The following ALDH1L1 variants were observed in gnomAD, a reference collection of about 807,000 sequenced individuals.
ALDH1L1 encodes the protein aldehyde dehydrogenase 1 family member L1, also known as cytosolic 10-formyltetrahydrofolate dehydrogenase.
A neutral mutation model predicts 101.1 loss-of-function variants in ALDH1L1; 68 were observed. That is an observed-to-expected ratio of 0.67 (90% CI 0.55 to 0.82). ALDH1L1 has a LOEUF of 0.82. Among genes scored for constraint, ALDH1L1 ranks in the 40% least tolerant of loss-of-function variants. ALDH1L1 has a pLI of 0.00. For missense variants in ALDH1L1, 1,087 were observed against 1,172.7 expected (o/e 0.93, Z 1.07); for synonymous variants, 486 against 470.8 (o/e 1.03, Z -0.42).
chr3:126,121,583 A>T (rs566324684), intron 16 of ALDH1L1, among the ~76,000 whole-genome samples: 15 of 152,324 alleles, frequency 9.8e-5, no homozygotes, highest in African/African-American at 2.9e-4. Flanking sequence ...CCCTGCGGAC[A>T]ATTCCCCAGG....
At position 126,125,724 on chromosome 3, in the gene ALDH1L1, G is replaced by A; in HGVS notation, c.1695-3C>T. 1 of 1,544,946 alleles carries A rather than the reference G, an allele frequency of 6.5e-7. No homozygotes were observed. The highest frequency in any genetic ancestry group is 1.2e-5 in the South Asian group (1 of 81,216). ...AGGGGATGATGATGCCACAAACCCT[G>A]CCACACAAAAGAGGTTGGCCTTTGT... On this transcript the variant is annotated splice_region_variant and splice_polypyrimidine_tract_variant and intron_variant, in intron 14 of 22. Coordinates refer to ENST00000393434, the MANE Select transcript of ALDH1L1 (RefSeq NM_012190.4).
At chr3:126,175,657 T>A (rs533126197) in intron 1 of ALDH1L1, among the ~76,000 whole-genome samples, 1 of 152,134 alleles carries the variant, frequency 6.6e-6, no homozygotes, top group African/African-American at 2.4e-5. Context: ...TCATTTATGA[T>A]AAGAGCTTTC....
chr3:126,129,667 C>T (rs1369941308), intron 14 of ALDH1L1: 1 of 152,352 alleles, frequency 6.6e-6, no homozygotes, highest in South Asian at 2.1e-4. Context: ...GGGGCCAAAT[C>T]AGGATGTATG....
intron 9 of ALDH1L1, among the ~76,000 whole-genome samples, chr3:126,139,473 C>T (rs977883157): frequency 6.6e-6 from 1 of 150,986 alleles, no homozygotes; most frequent in African/African-American, 2.5e-5. Flanking sequence ...CCCAAAATGT[C>T]CAGTTATGAC....
At chr3:126,140,362 G>A (rs1017737277) in intron 9 of ALDH1L1, among the ~76,000 whole-genome samples, 1 of 152,096 alleles carries the variant, frequency 6.6e-6, no homozygotes, top group Non-Finnish European at 1.5e-5. Flanking sequence ...AACAAAAGCT[G>A]AAGAAATTGG....
At chr3:126,151,092 C>T (rs971511104) in intron 7 of ALDH1L1, 1 of 152,314 alleles carries the variant, frequency 6.6e-6, no homozygotes, top group African/African-American at 2.4e-5. Flanking sequence ...CACCCACTCC[C>T]ACCACACTTT....
Position 126,110,489 on chromosome 3 carries a change from G to A in ALDH1L1, c.2182-380C>T, listed in dbSNP as rs371068636. Among the ~76,000 whole-genome samples, 23 of 152,242 alleles carry A rather than the reference G, an allele frequency of 1.5e-4. No homozygotes were observed. In the East Asian group the frequency reaches 1.5e-3, roughly 10 times the overall value. On this transcript the variant is annotated intron_variant, in intron 19 of 22. Coordinates refer to ENST00000393434, the MANE Select transcript of ALDH1L1 (RefSeq NM_012190.4). ...AAGAAGCTGAAGGAACTGTTTGTCC[G>A]GGGGACTCCAGGATGTGCGGTAGGT...
chr3:126,142,676 T>C (rs932936682), intron 9 of ALDH1L1, among the ~76,000 whole-genome samples: 1 of 152,138 alleles, frequency 6.6e-6, no homozygotes. Context: ...AAACTAAGAA[T>C]AGAAGGGAAC....
Position 126,103,700 on chromosome 3 carries a change from A to G in ALDH1L1, c.*91T>C, listed in dbSNP as rs1419754715. ...GCAGGAGGGCTTCCACTAGCCCCCC[A>G]GGTGGGAGGTGCTGTGCACCCAGGC... is the stretch of plus-strand genomic sequence containing the variant. On this transcript the variant is annotated 3_prime_UTR_variant, in exon 23 of 23. Transcript: ENST00000393434. The G allele has an allele frequency of 7.2e-7, 1 of 1,384,536 alleles. No homozygotes were observed. Among genetic ancestry groups the G allele is most frequent in the African/African-American group, 1.4e-5 (1 of 70,058 alleles). The allele number at this position is 1,384,536 out of a possible 1,614,324, so 85.8% of individuals were successfully genotyped here.
At chr3:126,168,777 A>T (rs1363416935) in intron 1 of ALDH1L1, among the ~76,000 whole-genome samples, 1 of 152,138 alleles carries the variant, frequency 6.6e-6, no homozygotes, top group African/African-American at 2.4e-5. Flanking sequence ...TATTCTAAGG[A>T]ATAATACTAA....
chr3:126,167,575 A>C (rs185294633), intron 1 of ALDH1L1, among the ~76,000 whole-genome samples: 7 of 152,232 alleles, frequency 4.6e-5, no homozygotes, highest in African/African-American at 1.7e-4. Context: ...AGTTCCCACC[A>C]GCAAAAATAT....
At chr3:126,131,211 C>T (rs1307294588) in intron 13 of ALDH1L1, among the ~76,000 whole-genome samples, 173 bp downstream of exon 13, 1 of 152,262 alleles carries the variant, frequency 6.6e-6, no homozygotes, top group Non-Finnish European at 1.5e-5. Flanking sequence ...CCAGCCCAGC[C>T]TGCCTGGAAT....
At chr3:126,175,238 G>A (rs2081349021) in intron 1 of ALDH1L1, among the ~76,000 whole-genome samples, 1 of 152,090 alleles carries the variant, frequency 6.6e-6, no homozygotes, top group Non-Finnish European at 1.5e-5. Flanking sequence ...TTAAAGAACT[G>A]GAGCCAGTAG....
chr3:126,149,069 G>A (rs1258592143), intron 8 of ALDH1L1, among the ~76,000 whole-genome samples: 1 of 152,200 alleles, frequency 6.6e-6, no homozygotes, highest in Non-Finnish European at 1.5e-5. Context: ...GTTGTTCTCA[G>A]GAATGCACCT....
intron 8 of ALDH1L1, among the ~76,000 whole-genome samples, chr3:126,148,482 T>C (rs899464348): frequency 6.6e-6 from 1 of 152,122 alleles, no homozygotes; most frequent in African/African-American, 2.4e-5. Flanking sequence ...CCTCCCCTCG[T>C]TTTGGCCATG....
chr3:126,164,397 T>G lies in ALDH1L1; in HGVS notation c.-23-3395A>C, dbSNP rs79524335. 5.7e-3 allele frequency among the ~76,000 whole-genome samples: 869 copies of G among 152,302 alleles called. 6 individuals carry two copies. Among genetic ancestry groups the G allele is most frequent in the African/African-American group, 0.02 (812 of 41,558 alleles). ...CATTCCCGTACTCCCTCTAGCAGTC[T>G]GCAGTGTCTGTTGTTCCCATTTTAT... On this transcript the variant is annotated intron_variant, in intron 1 of 22. Coordinates refer to ENST00000393434, the MANE Select transcript of ALDH1L1 (RefSeq NM_012190.4).
intron 2 of ALDH1L1, 77 bp downstream of exon 2, chr3:126,160,776 T>A: frequency 1.3e-6 from 2 of 1,570,456 alleles, no homozygotes; most frequent in Non-Finnish European, 1.7e-6. Flanking sequence ...GCTCCCAGAC[T>A]CCCACCTACT....
intron 4 of ALDH1L1, chr3:126,156,056 C>T (rs72967760): frequency 0.071 from 10,785 of 152,712 alleles, 480 homozygotes; most frequent in African/African-American, 0.12. Flanking sequence ...GACCGGGTGT[C>T]AGAGCATCTG....
At chr3:126,161,074 G>C (rs1161652347) in intron 1 of ALDH1L1, 72 bp from the exon 2 acceptor site, 3 of 1,542,736 alleles carry the variant, frequency 1.9e-6, no homozygotes, top group Non-Finnish European at 2.6e-6. Flanking sequence ...GTTCAAGACA[G>C]GGCAGTTCAT....
Sources: gnomAD v4.1 joint callset for allele counts (sites outside exome capture counted in the v4.1 genomes callset) on GRCh38, gnomAD v4.1.1 for gene constraint, MANE v1.5 for transcripts, NCBI Gene and HGNC (gene_info 2026-07-23, HGNC 2026-07-21) for gene names.